The following PPP1R9A variants were observed in gnomAD, a reference collection of about 807,000 sequenced individuals.
PPP1R9A encodes the protein protein phosphatase 1 regulatory subunit 9A, also known as neurabin-1.
Under a neutral mutation model 141.9 loss-of-function variants are expected in PPP1R9A, and 59 were observed. The ratio of observed to expected loss-of-function variants is 0.42; its 90% CI spans 0.34 to 0.52. The LOEUF (loss-of-function observed/expected upper bound fraction) is 0.52. Ranked by LOEUF, PPP1R9A falls within the 20% of genes least tolerant of loss-of-function variation. The pLI is 0.10. For missense variants in PPP1R9A, 1,444 were observed against 1,611.9 expected, an observed-to-expected ratio of 0.90 and a Z score of 1.78; for synonymous variants, 500 against 569.7, an observed-to-expected ratio of 0.88 and a Z score of 1.74.
intron 12 of PPP1R9A, among the ~76,000 whole-genome samples, chr7:95,258,095 G>A (rs529357192): frequency 3.4e-4 from 51 of 151,784 alleles, no homozygotes; most frequent in Admixed American, 6.6e-4. Flanking sequence ...TCGCCACACT[G>A]ACTTCCACAA....
At chr7:94,945,791 A>G (rs1273754309) in intron 2 of PPP1R9A, among the ~76,000 whole-genome samples, 1 of 152,046 alleles carries the variant, frequency 6.6e-6, no homozygotes, top group Non-Finnish European at 1.5e-5. Flanking sequence ...AAACAAAAGA[A>G]TTTGTTAAGA....
chr7:94,960,863 G>T (rs1174001340), intron 2 of PPP1R9A, among the ~76,000 whole-genome samples: 1 of 151,486 alleles, frequency 6.6e-6, no homozygotes, highest in Admixed American at 6.6e-5. Context: ...TGTTTCTTGT[G>T]GCTATGTTTC....
intron 4 of PPP1R9A, among the ~76,000 whole-genome samples, chr7:95,131,663 G>A (rs1263559283): frequency 6.6e-6 from 1 of 150,390 alleles, no homozygotes; most frequent in African/African-American, 2.5e-5. Context: ...TTGTCTTTCA[G>A]GAGGTAGGTG....
At chr7:95,050,701 G>C (rs1307763634) in intron 2 of PPP1R9A, among the ~76,000 whole-genome samples, 1 of 152,122 alleles carries the variant, frequency 6.6e-6, no homozygotes, top group Admixed American at 6.5e-5. Context: ...ACTCCACCCT[G>C]GGCAACAAGA....
intron 2 of PPP1R9A, among the ~76,000 whole-genome samples, chr7:94,926,982 A>G (rs1463587633): frequency 6.6e-6 from 1 of 152,194 alleles, no homozygotes; most frequent in Non-Finnish European, 1.5e-5. Flanking sequence ...GAATTACATT[A>G]TCTGGAAAAT....
intron 8 of PPP1R9A, among the ~76,000 whole-genome samples, chr7:95,233,244 T>A (rs1265519089): frequency 1.3e-5 from 2 of 152,048 alleles, no homozygotes; most frequent in Non-Finnish European, 2.9e-5. Flanking sequence ...CTGGAAACCA[T>A]CATTCTCAGC....
At chr7:94,917,936 T>G (rs1366956357) in intron 2 of PPP1R9A, among the ~76,000 whole-genome samples, 2 of 152,210 alleles carry the variant, frequency 1.3e-5, no homozygotes, top group African/African-American at 2.4e-5. Flanking sequence ...TAACACTTTC[T>G]CTACCACTTG....
chr7:95,203,429 A>G (rs1448217273), intron 6 of PPP1R9A, among the ~76,000 whole-genome samples: 1 of 152,174 alleles, frequency 6.6e-6, no homozygotes, highest in African/African-American at 2.4e-5. Context: ...TGCAATTATT[A>G]TGGTTGGCCT....
chr7:94,912,737 T>C (rs1249329576), intron 2 of PPP1R9A, among the ~76,000 whole-genome samples: 2 of 152,240 alleles, frequency 1.3e-5, no homozygotes, highest in Admixed American at 1.3e-4. Flanking sequence ...AGGCAGACTT[T>C]CATTTTATTA....
intron 4 of PPP1R9A, among the ~76,000 whole-genome samples, chr7:95,132,013 A>G (rs1314066961): frequency 1.3e-5 from 2 of 152,160 alleles, no homozygotes; most frequent in African/African-American, 4.8e-5. Context: ...ATGTATAGAA[A>G]TGCTACTGAT....
intron 4 of PPP1R9A, chr7:95,156,765 G>A (rs1829678355): frequency 1.3e-5 from 2 of 152,292 alleles, no homozygotes; most frequent in African/African-American, 4.8e-5. Context: ...CCACTCTGCA[G>A]CTGGTAGTCT....
intron 2 of PPP1R9A, among the ~76,000 whole-genome samples, chr7:94,988,088 A>G (rs1263013499): frequency 6.6e-6 from 1 of 152,124 alleles, no homozygotes; most frequent in Non-Finnish European, 1.5e-5. Flanking sequence ...CTAAAGGCCT[A>G]GGAATTTTTC....
chr7:94,994,969 A>T (rs1801988768), intron 2 of PPP1R9A, among the ~76,000 whole-genome samples: 1 of 151,942 alleles, frequency 6.6e-6, no homozygotes, highest in Admixed American at 6.6e-5. Flanking sequence ...TTGGGATAAA[A>T]CTCACATGGT....
At chr7:95,274,403 C>CATG (rs1225918121) in intron 16 of PPP1R9A, among the ~76,000 whole-genome samples, 1 of 152,152 alleles carries the variant, frequency 6.6e-6, no homozygotes, top group Non-Finnish European at 1.5e-5. Context: ...CCACATGAAC[C>CATG]ATTTCAATAA....
At chr7:95,180,527 G>A (rs1833583675) in intron 5 of PPP1R9A, among the ~76,000 whole-genome samples, 1 of 152,154 alleles carries the variant, frequency 6.6e-6, no homozygotes, top group Non-Finnish European at 1.5e-5. Context: ...ATAAATAGCT[G>A]TGACTTAATT....
intron 2 of PPP1R9A, among the ~76,000 whole-genome samples, chr7:95,014,858 A>T (rs774012975): frequency 6.0e-4 from 91 of 151,934 alleles, no homozygotes; most frequent in Non-Finnish European, 1.1e-3. Flanking sequence ...GAACTCATGG[A>T]TTCTTATCTT....
chr7:94,991,765 C>T (rs922467406), intron 2 of PPP1R9A, among the ~76,000 whole-genome samples: 5 of 152,180 alleles, frequency 3.3e-5, no homozygotes, highest in African/African-American at 1.2e-4. Context: ...GATCCTCCCA[C>T]TTCAGCCTTC....
In PPP1R9A at chr7:95,120,807, G is replaced by A; in HGVS notation, c.1624G>A (p.Gly542Ser). The A allele has an allele frequency of 1.2e-6, 2 of 1,613,878 alleles. No individual in the cohort carries two copies. The highest frequency in any genetic ancestry group is 1.7e-6 in the Non-Finnish European group (2 of 1,179,854). ...AATATTCGTCAAGACAGTAACAGAA[G>A]GTGGTGCTGCTCAACGGGATGGCAG... ...LGIFVKTVTE[G>S]GAAQRDGRIQ... The change falls in exon 4 of 20, where the codon GGT becomes AGT. Residue 542 changes from glycine to serine, a missense_variant. Coordinates refer to ENST00000433360, the MANE Select transcript of PPP1R9A (RefSeq NM_001166160.2).
At chr7:95,060,490 T>A (rs528151881) in intron 2 of PPP1R9A, among the ~76,000 whole-genome samples, 138 of 152,268 alleles carry the variant, frequency 9.1e-4, no homozygotes, top group Non-Finnish European at 1.5e-3. Flanking sequence ...CTGTGCCTCC[T>A]TCACCAGTGC....
Sources: gnomAD v4.1 joint callset for allele counts (sites outside exome capture counted in the v4.1 genomes callset) on GRCh38, gnomAD v4.1.1 for gene constraint, MANE v1.5 for transcripts, NCBI Gene and HGNC (gene_info 2026-07-23, HGNC 2026-07-21) for gene names.